The following ING4 variants were observed in gnomAD, a reference collection of about 807,000 sequenced individuals.
The protein encoded by ING4 is inhibitor of growth family member 4, also known as inhibitor of growth protein 4.
Under a neutral mutation model 33.1 loss-of-function variants are expected in ING4, and 28 were observed. The ratio of observed to expected loss-of-function variants is 0.85; its 90% confidence interval spans 0.63 to 1.16. ING4 has a LOEUF of 1.16. Ranked by LOEUF, ING4 falls within the 50% of genes most tolerant of loss-of-function variation. The pLI, the probability that ING4 is intolerant of heterozygous loss-of-function variation, is 0.00. For missense variants in ING4, 247 were observed against 314.7 expected (o/e 0.78, Z 1.63); for synonymous variants, 87 against 104.4 (o/e 0.83, Z 1.02).
At chr12:6,658,132 G>A (rs1222011896) in intron 1 of ING4, among the ~76,000 whole-genome samples, 3 of 151,142 alleles carry the variant, frequency 2.0e-5, no homozygotes, top group Non-Finnish European at 4.4e-5. Context: ...ACTAATTTTT[G>A]TATTTTTAGT....
chr12:6,659,711 G>A (rs1949485197), intron 1 of ING4, among the ~76,000 whole-genome samples: 1 of 151,688 alleles, frequency 6.6e-6, no homozygotes, highest in Non-Finnish European at 1.5e-5. Context: ...TACTCGGGAG[G>A]CTGAGGCAGG....
chr12:6,651,012 C>T lies in ING4; in HGVS notation c.*183G>A. 1.5e-6 allele frequency: 1 copy of T among 673,606 alleles called. No homozygotes were observed. Among genetic ancestry groups the T allele is most frequent in the Non-Finnish European group, 2.6e-6 (1 of 383,746 alleles). 41.7% of individuals were successfully genotyped at this position (673,606 alleles called of 1,614,324 possible). On this transcript the variant is annotated 3_prime_UTR_variant, in exon 8 of 8. Transcript: ENST00000341550. ...GCACATACCGTTAGTGGCTGCGGCA[C>T]CCCTCCCTACCAGGGTCTGATGCAG...
At chr12:6,659,538 C>A (rs139096775) in intron 1 of ING4, among the ~76,000 whole-genome samples, 2 of 151,468 alleles carry the variant, frequency 1.3e-5, no homozygotes, top group Non-Finnish European at 2.9e-5. Flanking sequence ...TTAGGCCAGG[C>A]GCGGTGGCTC....
intron 1 of ING4, 135 bp downstream of exon 1, chr12:6,662,930 T>G: frequency 1.1e-6 from 1 of 936,172 alleles, no homozygotes; most frequent in Non-Finnish European, 1.6e-6. Flanking sequence ...CTCCGCACCC[T>G]CCAATATTTC....
chr12:6,656,309 G>A (rs557375369), intron 2 of ING4: 1 of 243,194 alleles, frequency 4.1e-6, no homozygotes, highest in South Asian at 4.4e-5. Flanking sequence ...CCAAGTAGCT[G>A]GGATTACTGG....
intron 2 of ING4, among the ~76,000 whole-genome samples, chr12:6,656,149 G>A (rs951506161): frequency 1.3e-5 from 2 of 151,406 alleles, no homozygotes; most frequent in Admixed American, 6.6e-5. Context: ...GAAATGACTC[G>A]AGTTGACTTT....
chr12:6,656,768 C>A lies in ING4; in HGVS notation c.68G>T (p.Arg23Ile). 1 of 1,576,550 alleles carries A rather than the reference C, an allele frequency of 6.3e-7. No individual in the cohort carries two copies. The highest frequency in any genetic ancestry group is 1.4e-5 in the African/African-American group (1 of 72,402). ...TAGGTCCCTCATGAGCTGAAAGTTT[C>A]TCTGTAATTCAAAGGGAAGGTTTTC... The part of the protein sequence containing the change: ...SIENLPFELQ[R>I]NFQLMRDLDQ... The change falls in exon 2 of 8, where the codon AGA (arginine) becomes ATA (isoleucine). Residue 23 changes from arginine to isoleucine, a missense_variant. By Grantham distance (97) the Arg-to-Ile change is moderately conservative (BLOSUM62 -3). This residue lies in a region of ING4 where 198 missense variants were observed against 221.2 expected (regional missense o/e 0.89). Coordinates refer to ENST00000341550, the MANE Select transcript of ING4 (RefSeq NM_016162.4).
At chr12:6,656,666 G>A (rs1257779669) in intron 2 of ING4, 61 bp downstream of exon 2, 12 of 946,018 alleles carry the variant, frequency 1.3e-5, no homozygotes, top group Non-Finnish European at 2.0e-5. Context: ...GTAACATCAA[G>A]TAGAAAAATA....
At chr12:6,654,232 C>T (rs577502250) in intron 2 of ING4, among the ~76,000 whole-genome samples, 5 of 152,204 alleles carry the variant, frequency 3.3e-5, no homozygotes, top group South Asian at 2.1e-4. Context: ...TCTATCTTTT[C>T]GCCTCCTGAG....
intron 1 of ING4, among the ~76,000 whole-genome samples, chr12:6,658,333 A>G (rs138320021): frequency 2.0e-5 from 3 of 152,248 alleles, no homozygotes; most frequent in East Asian, 1.9e-4. Flanking sequence ...GGTATCCTCT[A>G]TTATACACAT....
intron 1 of ING4, 38 bp downstream of exon 1, chr12:6,663,027 C>A: frequency 6.2e-7 from 1 of 1,608,372 alleles, no homozygotes; most frequent in Non-Finnish European, 8.5e-7. Context: ...CCCCGCACCA[C>A]TCTGCAGCCC....
intron 2 of ING4, chr12:6,655,861 C>G (rs930177482): frequency 1.3e-5 from 6 of 456,252 alleles, no homozygotes; most frequent in Non-Finnish European, 2.6e-5. Context: ...GTGAATGCCC[C>G]AATGCAGCCA....
chr12:6,653,142 C>G, intron 3 of ING4, 88 bp downstream of exon 3: 1 of 1,597,440 alleles, frequency 6.3e-7, no homozygotes, highest in Non-Finnish European at 8.6e-7. Context: ...TCACAGACCC[C>G]AAACAGATCC....
chr12:6,661,200 C>T (rs894068953), intron 1 of ING4, among the ~76,000 whole-genome samples: 3 of 151,434 alleles, frequency 2.0e-5, no homozygotes, highest in Middle Eastern at 3.4e-3. Flanking sequence ...CAGGTTCAAG[C>T]GATTCTCCTG....
intron 1 of ING4, 125 bp from the exon 2 acceptor site, chr12:6,656,923 G>C (rs945768493): frequency 1.0e-5 from 6 of 572,674 alleles, no homozygotes; most frequent in Non-Finnish European, 9.1e-6. Context: ...GGAGGCCAAG[G>C]GGGTGGATCA....
chr12:6,656,574 C>T, intron 2 of ING4, 153 bp downstream of exon 2: 1 of 608,126 alleles, frequency 1.6e-6, no homozygotes, highest in East Asian at 3.1e-5. Flanking sequence ...AAATGAGGAT[C>T]ATTATCCTGT....
At chr12:6,660,749 TGTTATTAAGCCTATCCTAA>T (rs1347429209) in intron 1 of ING4, among the ~76,000 whole-genome samples, 1 of 152,236 alleles carries the variant, frequency 6.6e-6, no homozygotes, top group Non-Finnish European at 1.5e-5. Flanking sequence ...AATCTAATGG[TGTTATTAAGCCTATCCTAA>T]AAAATATCTC....
intron 2 of ING4, among the ~76,000 whole-genome samples, chr12:6,654,788 G>C (rs568437419): frequency 1.3e-5 from 2 of 151,990 alleles, no homozygotes; most frequent in Admixed American, 6.6e-5. Flanking sequence ...GCAGTGGCAC[G>C]ATCTTGGCTC....
At chr12:6,660,295 A>G (rs1949507643) in intron 1 of ING4, among the ~76,000 whole-genome samples, 1 of 151,986 alleles carries the variant, frequency 6.6e-6, no homozygotes, top group African/African-American at 2.4e-5. Flanking sequence ...TCCTGTCTCT[A>G]TAAAAATTAA....
Sources: allele counts gnomAD v4.1 joint callset (sites outside exome capture counted in the v4.1 genomes callset), GRCh38; gene constraint gnomAD v4.1.1; regional missense constraint gnomAD v4.1.1; transcripts MANE v1.5; gene names NCBI Gene and HGNC (gene_info 2026-07-23, HGNC 2026-07-21).